Variants in USP8 observed in about 807,000 individuals in gnomAD.
USP8 encodes the protein ubiquitin specific peptidase 8.
In USP8, 27 loss-of-function variants were observed where a neutral mutation model predicts 130.0. That is an observed-to-expected ratio of 0.21 (90% CI 0.15 to 0.29). The LOEUF is 0.29. Ranked by LOEUF, USP8 falls within the 10% of genes least tolerant of loss-of-function variation. The probability of loss-of-function intolerance (pLI) is 1.00; values close to 1 mark genes in which losing one functional copy is unlikely to be tolerated. For missense variants in USP8, 1,029 were observed against 1,312.2 expected (o/e 0.78, Z 3.33); for synonymous variants, 392 against 444.1 (o/e 0.88, Z 1.48).
At chr15:50,460,171 T>C (rs546112567) in intron 5 of USP8, among the ~76,000 whole-genome samples, 2 of 151,644 alleles carry the variant, frequency 1.3e-5, no homozygotes, top group East Asian at 3.9e-4. Flanking sequence ...CTAATTTTTG[T>C]ATTTTTAGTA....
At chr15:50,436,661 C>T (rs918092475) in intron 1 of USP8, among the ~76,000 whole-genome samples, 3 of 151,744 alleles carry the variant, frequency 2.0e-5, no homozygotes, top group Admixed American at 1.3e-4. Flanking sequence ...TCATGCCCAG[C>T]TAATTTTTTT....
intron 12 of USP8, among the ~76,000 whole-genome samples, chr15:50,485,431 C>T (rs2051920603): frequency 6.9e-6 from 1 of 144,286 alleles, no homozygotes. Flanking sequence ...GCCTGGGCAA[C>T]AGAGTGAGAC....
intron 18 of USP8, 44 bp from the exon 19 acceptor site, chr15:50,498,552 G>C: frequency 1.9e-6 from 3 of 1,548,344 alleles, no homozygotes; most frequent in Non-Finnish European, 2.6e-6. Context: ...GATTCATCCT[G>C]GTATCTTCCT....
intron 10 of USP8, among the ~76,000 whole-genome samples, chr15:50,479,380 C>G (rs2141301484): frequency 6.6e-6 from 1 of 152,244 alleles, no homozygotes; most frequent in Non-Finnish European, 1.5e-5. Flanking sequence ...GGGCGCTAGT[C>G]TCTGTTGGAG....
intron 12 of USP8, among the ~76,000 whole-genome samples, chr15:50,486,593 C>T (rs944828825): frequency 1.3e-5 from 2 of 152,118 alleles, no homozygotes; most frequent in South Asian, 4.1e-4. Context: ...GCCACAGCAA[C>T]AACAAACCCA....
intron 4 of USP8, among the ~76,000 whole-genome samples, chr15:50,454,829 G>A (rs527291576): frequency 4.1e-4 from 62 of 152,034 alleles, no homozygotes; most frequent in African/African-American, 1.4e-3. Context: ...TGCCCAGGCC[G>A]AAGTGCAGTG....
intron 1 of USP8, among the ~76,000 whole-genome samples, chr15:50,431,941 CCA>C (rs2049946360): frequency 6.6e-6 from 1 of 152,192 alleles, no homozygotes; most frequent in Non-Finnish European, 1.5e-5. Flanking sequence ...CAGGTGTCAG[CCA>C]CCATGCCCAG....
At chr15:50,425,135 T>C (rs1189413687) in intron 1 of USP8, among the ~76,000 whole-genome samples, 1 of 152,192 alleles carries the variant, frequency 6.6e-6, no homozygotes, top group Admixed American at 6.5e-5. Context: ...CCCTCCTGGG[T>C]TTATTTCTTG....
At chr15:50,484,185 C>A in intron 11 of USP8, 90 bp from the exon 12 acceptor site, 2 of 926,596 alleles carry the variant, frequency 2.2e-6, no homozygotes, top group Non-Finnish European at 1.6e-6. Context: ...CATTTTCATT[C>A]TCATAGATTC....
Position 50,490,516 on chromosome 15 carries a change from G to A in USP8, c.2225G>A (p.Arg742Gln), listed in dbSNP as rs760375643. 5.0e-6 allele frequency: 8 copies of A among 1,613,012 alleles called. No homozygotes were observed. The highest frequency in any genetic ancestry group is 1.6e-4 in the Middle Eastern group (1 of 6,070). Residue 742 changes from arginine to glutamine, a missense_variant, in exon 14 of 20, where the codon CGG (arginine) becomes CAG (glutamine). Transcript: ENST00000307179. ...RKPTVTPTVN[R>Q]ENKPTCYPKA... is the part of the protein sequence containing the mutation. The stretch of plus-strand genomic sequence containing the variant: ...CCAACAGTAACTCCAACAGTTAATC[G>A]GGAAAACAAGTATGTTTATCTTAAC...
chr15:50,439,357 A>G (rs907850355), intron 2 of USP8, among the ~76,000 whole-genome samples, 180 bp downstream of exon 2: 5 of 152,186 alleles, frequency 3.3e-5, no homozygotes, highest in African/African-American at 1.2e-4. Flanking sequence ...TATTCTGCTC[A>G]TATGCATATT....
intron 11 of USP8, among the ~76,000 whole-genome samples, chr15:50,482,727 A>G (rs2051819195): frequency 6.6e-6 from 1 of 152,148 alleles, no homozygotes; most frequent in Admixed American, 6.5e-5. Flanking sequence ...CCTTTTGAAC[A>G]CCAAGTATAT....
intron 5 of USP8, 139 bp downstream of exon 5, chr15:50,459,301 A>T: frequency 7.9e-7 from 1 of 1,267,238 alleles, no homozygotes; most frequent in Non-Finnish European, 1.1e-6. Flanking sequence ...AATTTATTTA[A>T]GGCTGGGCAC....
In USP8 at chr15:50,495,892, C is replaced by T. The variant is rs751144521; in HGVS notation, c.2703C>T (p.Leu901=). The change falls in exon 17 of 20, where the codon CTC becomes CTT. Residue 901 remains leucine, a synonymous_variant. Transcript: ENST00000307179. ...KRYKEENNDH[L]DDFKAAEHAW... is the part of the protein sequence containing the mutation. Reference sequence around the variant, plus strand: ...ATAAAGAAGAAAATAATGATCATCTCGATGACTTTAAAGCTGCAGAACATG... The same window carrying T: ...ATAAAGAAGAAAATAATGATCATCTTGATGACTTTAAAGCTGCAGAACATG... 16 of 1,613,634 alleles carry T rather than the reference C, an allele frequency of 9.9e-6. No individual in the cohort carries two copies. The highest frequency in any genetic ancestry group is 2.2e-5 in the East Asian group (1 of 44,876).
chr15:50,479,581 AAAC>A (rs2051690842), intron 10 of USP8, among the ~76,000 whole-genome samples: 2 of 152,146 alleles, frequency 1.3e-5, no homozygotes, highest in African/African-American at 4.8e-5. Flanking sequence ...ATGTAAATGG[AAAC>A]AACATTTATT....
intron 17 of USP8, 31 bp from the exon 18 acceptor site, chr15:50,497,058 C>G (rs778373800): frequency 1.9e-6 from 3 of 1,574,964 alleles, no homozygotes; most frequent in South Asian, 1.2e-5. Context: ...ATCGAATTAA[C>G]GAGTATCTGC....
At chr15:50,426,926 C>T (rs1433922915) in intron 1 of USP8, 2 of 151,554 alleles carry the variant, frequency 1.3e-5, no homozygotes, top group Admixed American at 6.6e-5. Context: ...ATCAGGTACA[C>T]TTCCAATTTC....
At chr15:50,454,493 A>G (rs1195063353) in intron 4 of USP8, among the ~76,000 whole-genome samples, 2 of 142,818 alleles carry the variant, frequency 1.4e-5, no homozygotes, top group Non-Finnish European at 3.0e-5. Context: ...ACTCTGTCTC[A>G]CCCAGGCTGG....
At chr15:50,473,219 A>G (rs1445694468) in intron 8 of USP8, among the ~76,000 whole-genome samples, 1 of 152,120 alleles carries the variant, frequency 6.6e-6, no homozygotes, top group Non-Finnish European at 1.5e-5. Context: ...TTTGTGGGGG[A>G]TTGATGCTAG....
Sources: allele counts gnomAD v4.1 joint callset (sites outside exome capture counted in the v4.1 genomes callset), GRCh38; gene constraint gnomAD v4.1.1; transcripts MANE v1.5; gene names NCBI Gene and HGNC (gene_info 2026-07-23, HGNC 2026-07-21).